Variants in VWC2 observed in about 807,000 individuals in gnomAD.
VWC2 encodes the protein brorin.
In VWC2, 14 loss-of-function variants were observed where a neutral mutation model predicts 29.8. The observed-to-expected ratio is 0.47, with a 90% CI of 0.31 to 0.74. The LOEUF is 0.74. Ranked by LOEUF, VWC2 falls within the 30% of genes least tolerant of loss-of-function variation. The probability of loss-of-function intolerance (pLI) is 0.05; values close to 1 mark genes in which losing one functional copy is unlikely to be tolerated. For synonymous variants in VWC2, 213 were observed against 199.0 expected, an observed-to-expected ratio of 1.07 and a Z score of -0.59; for missense variants, 457 against 459.8, an observed-to-expected ratio of 0.99 and a Z score of 0.05.
At chr7:49,896,994 C>T (rs890146529) in intron 3 of VWC2, among the ~76,000 whole-genome samples, 4 of 150,436 alleles carry the variant, frequency 2.7e-5, no homozygotes, top group Non-Finnish European at 5.9e-5. Context: ...TTCCCGGGTT[C>T]ACGCCATTCT....
chr7:49,827,856 T>A (rs1789440103), intron 3 of VWC2, among the ~76,000 whole-genome samples: 1 of 152,232 alleles, frequency 6.6e-6, no homozygotes, highest in Non-Finnish European at 1.5e-5. Flanking sequence ...GTCTTTGTTT[T>A]TTCAGAATGC....
intron 3 of VWC2, among the ~76,000 whole-genome samples, chr7:49,874,816 T>C (rs1791328230): frequency 6.6e-6 from 1 of 152,050 alleles, no homozygotes; most frequent in Non-Finnish European, 1.5e-5. Context: ...CTTTTCCTAC[T>C]TCAGTAAAGA....
chr7:49,868,137 G>A (rs1024308655), intron 3 of VWC2, among the ~76,000 whole-genome samples: 1 of 152,022 alleles, frequency 6.6e-6, no homozygotes, highest in Non-Finnish European at 1.5e-5. Context: ...CCTGTCCAAG[G>A]AAAATTACAT....
At position 49,802,806 on chromosome 7, in the gene VWC2, C is replaced by T. The variant is rs147623371; in HGVS notation, c.792C>T (p.Tyr264=). The T allele has an allele frequency of 1.1e-4, 173 of 1,614,178 alleles. 1 individual carries two copies. The South Asian group carries it at 1.3e-3, about 12-fold the overall frequency. ...AGACGGAGTGTGTGGACCCTGTGTACGAGCCTGATCAGTGCTGTCCCATCT... is the reference window on the plus strand; with the variant it reads ...AGACGGAGTGTGTGGACCCTGTGTATGAGCCTGATCAGTGCTGTCCCATCT... ...CPQTECVDPV[Y]EPDQCCPICK... is the part of the protein sequence containing the mutation. Residue 264 remains tyrosine (Y), a synonymous_variant, in exon 3 of 4, where the codon TAC becomes TAT. Coordinates refer to ENST00000340652, the MANE Select transcript of VWC2 (RefSeq NM_198570.5).
intron 3 of VWC2, among the ~76,000 whole-genome samples, chr7:49,849,120 T>G (rs1790074115): frequency 6.6e-6 from 1 of 152,150 alleles, no homozygotes; most frequent in Admixed American, 6.5e-5. Context: ...TTTCTCAGAG[T>G]TTGACTTACA....
At chr7:49,905,852 C>A (rs1453679214) in intron 3 of VWC2, among the ~76,000 whole-genome samples, 8 of 152,234 alleles carry the variant, frequency 5.3e-5, no homozygotes, top group Admixed American at 5.2e-4. Context: ...CTAAAACCCA[C>A]CAAAACCAAG....
rs1055606572 is a variant in VWC2 at position 49,775,745 on chromosome 7, G to T, written c.310G>T (p.Ala104Ser). 1 of 1,510,690 alleles carries T rather than the reference G, an allele frequency of 6.6e-7. No individual in the cohort carries two copies. The highest frequency in any genetic ancestry group is 8.8e-7 in the Non-Finnish European group (1 of 1,132,944). 93.6% of individuals were successfully genotyped at this position (1,510,690 alleles called of 1,614,324 possible). ...KQAWVSQGGG[A>S]KAGDLQVRPR... ...GGCCTGGGTCTCCCAGGGCGGGGGC[G>T]CCAAGGCCGGGGATCTGCAGGTCCG... The change falls in exon 2 of 4, where the codon GCC (alanine) becomes TCC (serine). Residue 104 changes from alanine to serine, a missense_variant. Ala to Ser is a moderately conservative substitution (Grantham distance 99). Transcript: ENST00000340652.
intron 3 of VWC2, among the ~76,000 whole-genome samples, chr7:49,868,740 C>T (rs908911416): frequency 2.0e-5 from 3 of 152,180 alleles, no homozygotes; most frequent in African/African-American, 7.2e-5. Flanking sequence ...GCCTCAGCCT[C>T]CCAAGTAGAT....
At chr7:49,875,395 A>AAAAAAAAAAAAAAAC (rs1562746141) in intron 3 of VWC2, among the ~76,000 whole-genome samples, 2 of 149,490 alleles carry the variant, frequency 1.3e-5, no homozygotes, top group African/African-American at 5.0e-5. Context: ...AAAAAAAAAA[A>AAAAAAAAAAAAAAAC]AACAGGAATA....
intron 3 of VWC2, among the ~76,000 whole-genome samples, chr7:49,825,043 C>G (rs1583653110): frequency 6.6e-6 from 1 of 151,968 alleles, no homozygotes; most frequent in Non-Finnish European, 1.5e-5. Flanking sequence ...TTCCCTGTAT[C>G]TTTTTTTCTT....
chr7:49,848,742 A>G (rs1446322547), intron 3 of VWC2, among the ~76,000 whole-genome samples: 1 of 152,212 alleles, frequency 6.6e-6, no homozygotes, highest in African/African-American at 2.4e-5. Context: ...TTTCTCTCAC[A>G]GGTTAATAAT....
intron 3 of VWC2, among the ~76,000 whole-genome samples, chr7:49,809,194 G>T (rs1410015350): frequency 6.6e-6 from 1 of 151,816 alleles, no homozygotes; most frequent in Non-Finnish European, 1.5e-5. Context: ...TGAAAGAGGG[G>T]CATCATTACT....
intron 3 of VWC2, among the ~76,000 whole-genome samples, chr7:49,877,075 A>T (rs1791441697): frequency 6.6e-6 from 1 of 152,120 alleles, no homozygotes; most frequent in South Asian, 2.1e-4. Flanking sequence ...AAGAGACTGC[A>T]AGGAAAGATG....
chr7:49,855,156 T>C (rs1790363102), intron 3 of VWC2, among the ~76,000 whole-genome samples: 1 of 152,242 alleles, frequency 6.6e-6, no homozygotes, highest in African/African-American at 2.4e-5. Flanking sequence ...TTAGTCTTAA[T>C]AGTTAATGCA....
intron 2 of VWC2, among the ~76,000 whole-genome samples, chr7:49,785,844 A>G (rs2128702463): frequency 6.6e-6 from 1 of 152,360 alleles, no homozygotes; most frequent in East Asian, 1.9e-4. Context: ...AATATTTACT[A>G]AAAGAACTTT....
At chr7:49,911,480 C>CAAAAAAAAAAAAAAAAAAAAAAAAAAA (rs34782644) in intron 3 of VWC2, among the ~76,000 whole-genome samples, 1 of 71,632 alleles carries the variant, frequency 1.4e-5, no homozygotes, top group Non-Finnish European at 2.5e-5. Flanking sequence ...GACTCTGTCT[C>CAAAAAAAAAAAAAAAAAAAAAAAAAAA]AAAAAAAAAA....
At chr7:49,838,033 T>C (rs928084289) in intron 3 of VWC2, among the ~76,000 whole-genome samples, 9 of 152,200 alleles carry the variant, frequency 5.9e-5, no homozygotes, top group African/African-American at 2.2e-4. Context: ...CAAAGGGAAG[T>C]CAATGCTATC....
chr7:49,897,079 T>A (rs919050491), intron 3 of VWC2, among the ~76,000 whole-genome samples: 1 of 151,846 alleles, frequency 6.6e-6, no homozygotes, highest in African/African-American at 2.4e-5. Context: ...GTATTTTTAG[T>A]AGAGACGGGG....
intron 2 of VWC2, among the ~76,000 whole-genome samples, chr7:49,785,119 C>T (rs1439045247): frequency 6.6e-6 from 1 of 152,126 alleles, no homozygotes; most frequent in African/African-American, 2.4e-5. Context: ...GTGAATGATA[C>T]ATTTAATGAA....
Sources: allele counts gnomAD v4.1 joint callset (sites outside exome capture counted in the v4.1 genomes callset), GRCh38; gene constraint gnomAD v4.1.1; transcripts MANE v1.5; gene names NCBI Gene and HGNC (gene_info 2026-07-23, HGNC 2026-07-21).